Variants in ZFYVE1 observed in about 807,000 individuals in gnomAD.
The protein encoded by ZFYVE1 is zinc finger FYVE-type containing 1, also known as zinc finger FYVE domain-containing protein 1.
Under a neutral mutation model 74.4 loss-of-function variants are expected in ZFYVE1, and 30 were observed. The ratio of observed to expected loss-of-function variants is 0.40; its 90% CI spans 0.30 to 0.55. ZFYVE1 has a LOEUF of 0.55. ZFYVE1 is among the 20% of genes least tolerant of loss of function. The pLI, the probability that ZFYVE1 is intolerant of heterozygous loss-of-function variation, is 0.42. For synonymous variants in ZFYVE1, 335 were observed against 385.1 expected, an observed-to-expected ratio of 0.87 and a Z score of 1.52; for missense variants, 703 against 1,011.6, an observed-to-expected ratio of 0.69 and a Z score of 4.14.
chr14:72,969,476 G>A lies in ZFYVE1; in HGVS notation c.*1406C>T, dbSNP rs556233887. On this transcript the variant is annotated 3_prime_UTR_variant, in exon 12 of 12. Coordinates refer to ENST00000556143, the MANE Select transcript of ZFYVE1 (RefSeq NM_021260.4). ...TGCAGGAAGATTCCTTTATGATGGC[G>A]AATTGGATGGTACACAGTTCTAGAG... The A allele has an allele frequency of 5.0e-5, 24 of 478,272 alleles. No individual in the cohort carries two copies. The highest frequency in any genetic ancestry group is 4.6e-4 in the East Asian group (14 of 30,528). 29.6% of individuals were successfully genotyped at this position (478,272 alleles called of 1,614,324 possible).
intron 4 of ZFYVE1, chr14:72,987,012 G>A: frequency 1.0e-6 from 1 of 975,804 alleles, no homozygotes; most frequent in Non-Finnish European, 1.2e-6. Flanking sequence ...AGGCAAGTCT[G>A]GAAAAGGTTG....
At chr14:73,012,625 A>G (rs1016487189) in intron 2 of ZFYVE1, among the ~76,000 whole-genome samples, 1 of 152,174 alleles carries the variant, frequency 6.6e-6, no homozygotes, top group African/African-American at 2.4e-5. Context: ...TCGTCTCAAA[A>G]AAAAAGAACT....
At chr14:72,978,259 C>T in intron 6 of ZFYVE1, 25 bp from the exon 7 acceptor site, 2 of 1,606,148 alleles carry the variant, frequency 1.2e-6, no homozygotes, top group Non-Finnish European at 1.7e-6. Flanking sequence ...ACTCTGCTAG[C>T]TTATTGTTTG....
chr14:73,005,168 A>T (rs1567358841), intron 2 of ZFYVE1, among the ~76,000 whole-genome samples: 2 of 151,974 alleles, frequency 1.3e-5, no homozygotes, highest in African/African-American at 4.8e-5. Context: ...ACACATGAGT[A>T]TTTTTCCCTA....
chr14:73,001,953 A>G (rs1043616017), intron 2 of ZFYVE1, among the ~76,000 whole-genome samples: 1 of 152,162 alleles, frequency 6.6e-6, no homozygotes, highest in East Asian at 1.9e-4. Context: ...GTCTCGAAAA[A>G]AAAAGAAAAA....
At chr14:73,013,674 C>T (rs2140382835) in intron 2 of ZFYVE1, among the ~76,000 whole-genome samples, 1 of 152,200 alleles carries the variant, frequency 6.6e-6, no homozygotes, top group Non-Finnish European at 1.5e-5. Flanking sequence ...TCCACCCTTC[C>T]CCACCTTCAA....
In ZFYVE1 at chr14:72,970,861, G is replaced by A. The variant is rs1664727621; in HGVS notation, c.*21C>T. On this transcript the variant is annotated 3_prime_UTR_variant, in exon 12 of 12. Transcript: ENST00000556143. ...CCTGAGAACCTAAGGAATTGTGAAG[G>A]ACTCGGAGAGGGGGCTGGGGTTAAA... 1 of 1,611,774 alleles carries A rather than the reference G, an allele frequency of 6.2e-7. No individual in the cohort carries two copies. The highest frequency in any genetic ancestry group is 8.5e-7 in the Non-Finnish European group (1 of 1,178,128).
chr14:73,014,508 T>C (rs775690457), intron 2 of ZFYVE1, among the ~76,000 whole-genome samples: 1 of 152,192 alleles, frequency 6.6e-6, no homozygotes, highest in Non-Finnish European at 1.5e-5. Flanking sequence ...CAACTATTGG[T>C]TATTATTTTG....
At chr14:72,990,544 G>A (rs994794464) in intron 4 of ZFYVE1, among the ~76,000 whole-genome samples, 3 of 149,988 alleles carry the variant, frequency 2.0e-5, no homozygotes, top group Non-Finnish European at 3.0e-5. Flanking sequence ...TTACAGCCAC[G>A]CACCACCACG....
At chr14:72,989,224 C>T (rs541607846) in intron 4 of ZFYVE1, among the ~76,000 whole-genome samples, 9 of 152,162 alleles carry the variant, frequency 5.9e-5, no homozygotes, top group African/African-American at 1.4e-4. Context: ...CAGCACCCAG[C>T]CAGCATTTGC....
At position 72,978,899 on chromosome 14, in the gene ZFYVE1, A is replaced by G; in HGVS notation, c.1381T>C (p.Tyr461His). 6.2e-7 allele frequency: 1 copy of G among 1,614,152 alleles called. No homozygotes were observed. Among genetic ancestry groups the G allele is most frequent in the Non-Finnish European group, 8.5e-7 (1 of 1,179,988 alleles). Residue 461 changes from tyrosine to histidine, a missense_variant, in exon 6 of 12, where the codon TAC (tyrosine) becomes CAC (histidine). Physicochemically the swap from Tyr to His is moderately conservative, Grantham distance 83 (BLOSUM62 2). Around this residue, in one of 2 missense-constraint regions of ZFYVE1, gnomAD observed 492 missense variants for 790.0 expected, o/e 0.62. Coordinates refer to ENST00000556143, the MANE Select transcript of ZFYVE1 (RefSeq NM_021260.4). ...VPHEAKSRCR[Y>H]SHQYDNRVYT... ...ACTCGGTTGTCATACTGGTGGGAGT[A>G]TCTGCAGCGGCTCTTGGCTTCATGA...
At position 72,978,846 on chromosome 14, in the gene ZFYVE1, G is replaced by A. The variant is rs1397332286; in HGVS notation, c.1419+15C>T. 3 of 1,611,122 alleles carry A rather than the reference G, an allele frequency of 1.9e-6. No homozygotes were observed. The highest frequency in any genetic ancestry group is 1.1e-5 in the South Asian group (1 of 91,040). ...AAGCCCGCTGCTGACACAGGGAGGAGCTCGGAGGACTCACCTTGCAGGTAT... is the reference window on the plus strand; with the variant it reads ...AAGCCCGCTGCTGACACAGGGAGGAACTCGGAGGACTCACCTTGCAGGTAT... On this transcript the variant is annotated intron_variant, in intron 6 of 11. Coordinates refer to ENST00000556143, the MANE Select transcript of ZFYVE1 (RefSeq NM_021260.4).
intron 4 of ZFYVE1, among the ~76,000 whole-genome samples, chr14:72,987,853 G>A (rs941513591): frequency 2.6e-5 from 4 of 152,112 alleles, no homozygotes; most frequent in African/African-American, 9.7e-5. Flanking sequence ...AAGGGGCCTG[G>A]GGCCTGCACA....
chr14:73,024,985 A>G (rs1419938457), intron 1 of ZFYVE1, 43 bp from the exon 2 acceptor site: 1 of 153,126 alleles, frequency 6.5e-6, no homozygotes, highest in Non-Finnish European at 1.5e-5. Flanking sequence ...TCTAAAAAAC[A>G]GAAGTGCACC....
chr14:73,004,162 G>C (rs1467085929), intron 2 of ZFYVE1, among the ~76,000 whole-genome samples: 2 of 152,264 alleles, frequency 1.3e-5, no homozygotes, highest in Middle Eastern at 3.4e-3. Context: ...AAGCTGCTAA[G>C]TCGGCCAGCA....
chr14:72,995,164 G>A (rs924922056), intron 3 of ZFYVE1, among the ~76,000 whole-genome samples: 5 of 152,022 alleles, frequency 3.3e-5, no homozygotes, highest in Admixed American at 1.3e-4. Context: ...GTGCAATCTC[G>A]GCTCACTGCA....
At chr14:73,001,747 G>GGGAGTTCA (rs1567357386) in intron 2 of ZFYVE1, among the ~76,000 whole-genome samples, 593 of 56,134 alleles carry the variant, frequency 0.011, 18 homozygotes, top group African/African-American at 0.06. Flanking sequence ...TGGGAGGCTC[G>GGGAGTTCA]AGACCAGCCT....
At chr14:72,993,820 G>C (rs1022096719) in intron 3 of ZFYVE1, among the ~76,000 whole-genome samples, 1 of 151,300 alleles carries the variant, frequency 6.6e-6, no homozygotes, top group Non-Finnish European at 1.5e-5. Flanking sequence ...TCAAGAGATG[G>C]AGACCATCCT....
Position 72,975,430 on chromosome 14 carries a change from G to A in ZFYVE1, c.1806+121C>T. On this transcript the variant is annotated intron_variant, in intron 9 of 11. Coordinates refer to ENST00000556143, the MANE Select transcript of ZFYVE1 (RefSeq NM_021260.4). The surrounding 1 kb of genome is among the most constrained non-coding windows in gnomAD (Gnocchi z 4.1). ...TCCTCCCCTTGCCGGTACTCACAGAGCTCACTGCACTGGCAGAAAATGTTT... is the reference window on the plus strand; with the variant it reads ...TCCTCCCCTTGCCGGTACTCACAGAACTCACTGCACTGGCAGAAAATGTTT... The A allele has an allele frequency of 7.7e-7, 1 of 1,296,802 alleles. No individual in the cohort carries two copies. Among genetic ancestry groups the A allele is most frequent in the South Asian group, 1.5e-5 (1 of 67,342 alleles). The allele number at this position is 1,296,802 out of a possible 1,614,324, so 80.3% of individuals were successfully genotyped here. A position where few individuals can be genotyped will look rare whatever the true frequency, so the allele number is the denominator to read the frequency against.
Sources: allele counts gnomAD v4.1 joint callset (sites outside exome capture counted in the v4.1 genomes callset), GRCh38; gene constraint gnomAD v4.1.1; regional missense constraint gnomAD v4.1.1; non-coding constraint Gnocchi (gnomAD v3.1); transcripts MANE v1.5; gene names NCBI Gene and HGNC (gene_info 2026-07-23, HGNC 2026-07-21).